Variants in PHKG2 observed in about 807,000 individuals in gnomAD.
The protein encoded by PHKG2 is phosphorylase kinase catalytic subunit gamma 2, also known as phosphorylase b kinase gamma catalytic chain, liver/testis isoform.
PHKG2 carries 28 observed loss-of-function variants against 44.5 expected under a neutral mutation model. The observed-to-expected ratio is 0.63, with a 90% CI of 0.47 to 0.86. The LOEUF is 0.86. PHKG2 is among the 40% of genes least tolerant of loss of function. PHKG2 has a pLI of 0.00. For missense variants in PHKG2, 498 were observed against 547.5 expected (o/e 0.91, Z 0.90); for synonymous variants, 220 against 211.2 (o/e 1.04, Z -0.36).
intron 2 of PHKG2, among the ~76,000 whole-genome samples, chr16:30,749,403 A>C (rs1230366163): frequency 6.6e-6 from 1 of 152,142 alleles, no homozygotes; most frequent in Non-Finnish European, 1.5e-5. Flanking sequence ...GCCGGAATGC[A>C]GTGGCGCGAT....
rs1270523244 is a variant in PHKG2 at position 30,753,554 on chromosome 16, C to T, written c.553C>T (p.Arg185Ter). Residue 185 changes from arginine to a stop codon, truncating the protein, a stop_gained, in exon 6 of 10, where the codon CGA (arginine) becomes TGA (stop). Transcript: ENST00000563588. LOFTEE classifies it high-confidence loss of function. ...SCHLEPGEKL[R>*]ELCGTPGYLA... ...CCACTTGGAACCTGGCGAGAAGCTT[C>T]GAGGTGAGGGGATCTAGTGCCCTAA... 7 of 1,613,860 alleles carry T rather than the reference C, an allele frequency of 4.3e-6. No individual in the cohort carries two copies. Among genetic ancestry groups the T allele is most frequent in the African/African-American group, 2.7e-5 (2 of 74,878 alleles).
chr16:30,761,111 TG>T lies in PHKG2; in HGVS notation c.*4018del. 6.8e-7 allele frequency: 1 copy of T among 1,479,128 alleles called. No homozygotes were observed. The allele number at this position is 1,479,128 out of a possible 1,614,324, so 91.6% of individuals were successfully genotyped here. A position where few individuals can be genotyped will look rare whatever the true frequency, so the allele number is the denominator to read the frequency against. ...CCAGGCCTCAGTCTCATCTGTAAAA[TG>T]GGGATGCCCTGGCCACAGACAGGAC... On this transcript the variant is annotated 3_prime_UTR_variant, in exon 10 of 10. Transcript: ENST00000563588.
chr16:30,760,225 G>A lies in PHKG2; in HGVS notation c.*3128G>A. 1 of 1,612,912 alleles carries A rather than the reference G, an allele frequency of 6.2e-7. No individual in the cohort carries two copies. Among genetic ancestry groups the A allele is most frequent in the African/African-American group, 1.3e-5 (1 of 75,038 alleles). On this transcript the variant is annotated 3_prime_UTR_variant, in exon 10 of 10. Transcript: ENST00000563588. The stretch of plus-strand genomic sequence containing the variant: ...CTGCTTCTGCTTCCCATGGTCACTT[G>A]TGCCAGGCCCGGTTCCTCTTCTCCC...
intron 4 of PHKG2, 66 bp downstream of exon 4, chr16:30,751,669 T>A: frequency 7.6e-7 from 1 of 1,320,546 alleles, no homozygotes; most frequent in Non-Finnish European, 1.1e-6. Context: ...CCAGCATTTG[T>A]GGTGCAGTGG....
intron 2 of PHKG2, among the ~76,000 whole-genome samples, chr16:30,750,645 C>G (rs1054778685): frequency 1.3e-5 from 2 of 152,212 alleles, no homozygotes; most frequent in African/African-American, 4.8e-5. Context: ...GGGGTCTGCA[C>G]TAAGATCTAA....
rs140609394 is a variant in PHKG2 at position 30,760,309 on chromosome 16, G to A, written c.*3212G>A. ...CAATACAAGCCTTGTGAAGATCCTG[G>A]AGCAGGGCACAAGCCGCTGACGTCT... On this transcript the variant is annotated 3_prime_UTR_variant, in exon 10 of 10. Transcript: ENST00000563588. The A allele has an allele frequency of 6.2e-7, 1 of 1,614,066 alleles. No homozygotes were observed. The highest frequency in any genetic ancestry group is 1.3e-5 in the African/African-American group (1 of 74,928).
chr16:30,755,365 C>T (rs1166632273), intron 6 of PHKG2: 3 of 157,504 alleles, frequency 1.9e-5, no homozygotes, highest in East Asian at 1.9e-4. Flanking sequence ...AAAGGACTTA[C>T]CCATTATGTG....
At chr16:30,756,149 G>A (rs777024695) in intron 6 of PHKG2, 33 bp from the exon 7 acceptor site, 21 of 1,505,278 alleles carry the variant, frequency 1.4e-5, no homozygotes, top group Non-Finnish European at 1.8e-5. Flanking sequence ...AGGGGCTGGT[G>A]GCATCCCCTC....
Position 30,748,929 on chromosome 16 carries a change from C to T in PHKG2, c.95+14C>T. On this transcript the variant is annotated intron_variant, in intron 2 of 9. Coordinates refer to ENST00000563588, the MANE Select transcript of PHKG2 (RefSeq NM_000294.3). ...CGTCATCGGCAGGTAAGGCCGCGGC[C>T]AGGGAAACGGAGGTCCAAAGAGGTC... 1 of 1,545,160 alleles carries T rather than the reference C, an allele frequency of 6.5e-7. No individual in the cohort carries two copies. Among genetic ancestry groups the T allele is most frequent in the South Asian group, 1.2e-5 (1 of 83,918 alleles).
rs778823423 is a variant in PHKG2, at chr16:30,759,696, GCAC to G, written c.*2600_*2602del. ...AAAGGACACTGGTGAAGTAGCGGTA[GCAC>G]TCCTCCACGTTGCCCAAGGGGGTTG... is the stretch of plus-strand genomic sequence containing the variant. On this transcript the variant is annotated 3_prime_UTR_variant, in exon 10 of 10. Coordinates refer to ENST00000563588, the MANE Select transcript of PHKG2 (RefSeq NM_000294.3). The G allele has an allele frequency of 6.2e-7, 1 of 1,613,600 alleles. No homozygotes were observed. The highest frequency in any genetic ancestry group is 1.7e-5 in the Admixed American group (1 of 60,008).
chr16:30,753,654 A>G (rs2053381181), intron 6 of PHKG2, 97 bp downstream of exon 6: 1 of 1,226,348 alleles, frequency 8.2e-7, no homozygotes, highest in Admixed American at 1.9e-5. Flanking sequence ...TGGTGCCAAG[A>G]AAAAGGGAGA....
chr16:30,749,854 A>C (rs963555949), intron 2 of PHKG2, among the ~76,000 whole-genome samples: 1 of 152,246 alleles, frequency 6.6e-6, no homozygotes, highest in African/African-American at 2.4e-5. Flanking sequence ...TTAAAAAGGC[A>C]TCAGGCTAGA....
rs1241859247 is a variant in PHKG2, at chr16:30,759,590, A to G, written c.*2493A>G. ...AGAAGATAAGGGTGATGAATGTGAG[A>G]GAGACTGGGTGAGACCTTGTCTGGG... On this transcript the variant is annotated 3_prime_UTR_variant, in exon 10 of 10. Coordinates refer to ENST00000563588, the MANE Select transcript of PHKG2 (RefSeq NM_000294.3). 5.0e-6 allele frequency: 8 copies of G among 1,614,002 alleles called. No individual in the cohort carries two copies. The African/African-American group carries it at 1.1e-4, about 22-fold the overall frequency.
At position 30,760,345 on chromosome 16, in the gene PHKG2, G is replaced by A; in HGVS notation, c.*3248G>A. ...AAGCCGCTGACGTCTGCTCCAGTGAGAAGCCCTGCTGGCGGCAGAAAATGA... is the reference window on the plus strand; with the variant it reads ...AAGCCGCTGACGTCTGCTCCAGTGAAAAGCCCTGCTGGCGGCAGAAAATGA... On this transcript the variant is annotated 3_prime_UTR_variant, in exon 10 of 10. Transcript: ENST00000563588. 6.2e-7 allele frequency: 1 copy of A among 1,614,232 alleles called. No homozygotes were observed. Among genetic ancestry groups the A allele is most frequent in the Non-Finnish European group, 8.5e-7 (1 of 1,180,046 alleles).
rs1423353258 is a variant in PHKG2 at position 30,759,813 on chromosome 16, C to T, written c.*2716C>T. On this transcript the variant is annotated 3_prime_UTR_variant, in exon 10 of 10. Transcript: ENST00000563588. ...AACAGCTGTTTATGACCATGAGCTT[C>T]AGAAGCAGACAGATCTGGGTTTCAG... is the stretch of plus-strand genomic sequence containing the variant. 5.3e-6 allele frequency: 8 copies of T among 1,509,758 alleles called. 1 individual carries two copies. Among genetic ancestry groups the T allele is most frequent in the South Asian group, 2.7e-5 (2 of 73,652 alleles). 93.5% of individuals were successfully genotyped at this position (1,509,758 alleles called of 1,614,324 possible).
At position 30,759,663 on chromosome 16, in the gene PHKG2, A is replaced by G. The variant is rs1480821046; in HGVS notation, c.*2566A>G. 2 of 1,613,522 alleles carry G rather than the reference A, an allele frequency of 1.2e-6. No homozygotes were observed. The highest frequency in any genetic ancestry group is 2.7e-5 in the African/African-American group (2 of 74,908). ...TTCCAGGGGAACTGACCCTGACTCC[A>G]TGGCAAAAAAGGACACTGGTGAAGT... On this transcript the variant is annotated 3_prime_UTR_variant, in exon 10 of 10. Transcript: ENST00000563588.
chr16:30,756,101 A>C lies in PHKG2; in HGVS notation c.557-81A>C. On this transcript the variant is annotated intron_variant, in intron 6 of 9. Coordinates refer to ENST00000563588, the MANE Select transcript of PHKG2 (RefSeq NM_000294.3). ...AACACTGGTAGTCCTGGCAGCGTTG[A>C]GGAGGCTCCAGCAGAGATCCAGTGC... The C allele has an allele frequency of 3.9e-6, 4 of 1,036,626 alleles. No individual in the cohort carries two copies. The South Asian group carries it at 5.0e-5, about 13-fold the overall frequency. The allele number at this position is 1,036,626 out of a possible 1,614,324, so 64.2% of individuals were successfully genotyped here.
At position 30,753,325 on chromosome 16, in the gene PHKG2, G is replaced by A. The variant is rs771861833; in HGVS notation, c.392+28G>A. The A allele has an allele frequency of 3.1e-6, 5 of 1,612,736 alleles. No individual in the cohort carries two copies. In the African/African-American group the frequency reaches 5.3e-5, roughly 17 times the overall value. On this transcript the variant is annotated intron_variant, in intron 5 of 9. Coordinates refer to ENST00000563588, the MANE Select transcript of PHKG2 (RefSeq NM_000294.3). ...AAGGGTTGAGCCTGAAGCCCCAGGGGTGAGCAGGGGGTGGGACAGGGCAGG... is the reference window on the plus strand; with the variant it reads ...AAGGGTTGAGCCTGAAGCCCCAGGGATGAGCAGGGGGTGGGACAGGGCAGG...
At chr16:30,753,007 T>C (rs1013081565) in intron 4 of PHKG2, 1 of 601,552 alleles carries the variant, frequency 1.7e-6, no homozygotes, top group African/African-American at 1.8e-5. Flanking sequence ...AAGAAGTCTC[T>C]TATTTTTGCC....
Sources: allele counts gnomAD v4.1 joint callset (sites outside exome capture counted in the v4.1 genomes callset), GRCh38; gene constraint gnomAD v4.1.1; transcripts MANE v1.5; gene names NCBI Gene and HGNC (gene_info 2026-07-23, HGNC 2026-07-21).